RPSA2: variants seen among roughly 807,000 people sequenced by gnomAD.
RPSA2 encodes the protein small ribosomal subunit protein uS2B.
At chr19:23,796,547 T>G in the RPSA2 span, among the ~76,000 whole-genome samples, 1 of 152,116 alleles carries the variant, frequency 6.6e-6, no homozygotes, top group Non-Finnish European at 1.5e-5. Context: ...TACCAGCACT[T>G]TTTTGTACAC....
chr19:23,860,303 C>T, the RPSA2 span, among the ~76,000 whole-genome samples: 1 of 152,226 alleles, frequency 6.6e-6, no homozygotes, highest in Non-Finnish European at 1.5e-5. Context: ...TTGTCCTACC[C>T]TGTCATCAAA....
chr19:23,795,840 A>G, the RPSA2 span, among the ~76,000 whole-genome samples: 2 of 152,144 alleles, frequency 1.3e-5, no homozygotes, highest in African/African-American at 2.4e-5. Flanking sequence ...CAGTGGCACA[A>G]TCTTGGCTCA....
chr19:23,769,713 G>A, the RPSA2 span, among the ~76,000 whole-genome samples: 3 of 152,160 alleles, frequency 2.0e-5, no homozygotes, highest in African/African-American at 7.2e-5. Flanking sequence ...AAATCTAGGT[G>A]ATGTGACTCT....
chr19:23,790,146 C>T, the RPSA2 span, among the ~76,000 whole-genome samples: 63 of 152,070 alleles, frequency 4.1e-4, no homozygotes, highest in Non-Finnish European at 1.2e-4. Context: ...TTACAGGCGC[C>T]CGCCACTGTG....
At chr19:23,788,407 C>G in the RPSA2 span, among the ~76,000 whole-genome samples, 3 of 152,138 alleles carry the variant, frequency 2.0e-5, no homozygotes, top group Non-Finnish European at 2.9e-5. Context: ...GTGACTTCCT[C>G]TACTGCTTGG....
At chr19:23,764,791 A>T in the RPSA2 span, among the ~76,000 whole-genome samples, 1 of 151,552 alleles carries the variant, frequency 6.6e-6, no homozygotes. Flanking sequence ...ATCCTCTGGA[A>T]CTCCACTTTA....
At chr19:23,853,022 A>G in the RPSA2 span, among the ~76,000 whole-genome samples, 1 of 152,208 alleles carries the variant, frequency 6.6e-6, no homozygotes, top group Admixed American at 6.5e-5. Context: ...AATATAATGA[A>G]GAATATAGGC....
chr19:23,839,571 A>G, the RPSA2 span, among the ~76,000 whole-genome samples: 9 of 152,140 alleles, frequency 5.9e-5, no homozygotes, highest in East Asian at 1.9e-4. Context: ...GTTCTTCCCC[A>G]CCTGTGAAGT....
At chr19:23,865,348 T>G in the RPSA2 span, among the ~76,000 whole-genome samples, 3 of 152,216 alleles carry the variant, frequency 2.0e-5, no homozygotes, top group Admixed American at 2.0e-4. Context: ...CAGGAGGTTA[T>G]TACACATAAC....
the RPSA2 span, among the ~76,000 whole-genome samples, chr19:23,781,496 A>G: frequency 7.9e-5 from 12 of 151,432 alleles, no homozygotes; most frequent in African/African-American, 2.9e-4. Context: ...CCACCACCAC[A>G]CAGGCTAATT....
the RPSA2 span, among the ~76,000 whole-genome samples, chr19:23,774,242 A>C: frequency 1.3e-4 from 20 of 152,298 alleles, no homozygotes; most frequent in African/African-American, 4.6e-4. Flanking sequence ...CCCTGACCAC[A>C]TAAGCAATTA....
At chr19:23,787,360 T>A in the RPSA2 span, among the ~76,000 whole-genome samples, 1 of 151,984 alleles carries the variant, frequency 6.6e-6, no homozygotes, top group South Asian at 2.1e-4. Flanking sequence ...CCCAGTACTT[T>A]GGGAGGCTGA....
At chr19:23,761,923 T>TC in the RPSA2 span, among the ~76,000 whole-genome samples, 255 of 63,440 alleles carry the variant, frequency 4.0e-3, 1 homozygote, top group East Asian at 0.019. Flanking sequence ...TTTCTTTCTT[T>TC]TTTTTTTTTT....
chr19:23,828,684 A>T, the RPSA2 span, among the ~76,000 whole-genome samples: 2 of 151,428 alleles, frequency 1.3e-5, 1 homozygote, highest in South Asian at 4.2e-4. Flanking sequence ...TGGTCTTTCA[A>T]GGGAAATGTT....
the RPSA2 span, among the ~76,000 whole-genome samples, chr19:23,822,561 T>G: frequency 1.3e-5 from 2 of 152,182 alleles, no homozygotes; most frequent in Non-Finnish European, 2.9e-5. Context: ...AAAAGTCTGT[T>G]GCCCCCCTTG....
the RPSA2 span, among the ~76,000 whole-genome samples, chr19:23,826,237 A>G: frequency 2.7e-5 from 4 of 148,924 alleles, no homozygotes; most frequent in Non-Finnish European, 3.0e-5. Flanking sequence ...TCTGCTACTC[A>G]GGCTGGAGTG....
the RPSA2 span, among the ~76,000 whole-genome samples, chr19:23,772,809 C>A: frequency 2.6e-5 from 4 of 152,196 alleles, no homozygotes; most frequent in Non-Finnish European, 5.9e-5. Flanking sequence ...GAGATGGTGA[C>A]ACATTTCTAA....
At chr19:23,790,756 C>T in the RPSA2 span, 19 of 472,412 alleles carry the variant, frequency 4.0e-5, no homozygotes, top group Admixed American at 2.3e-4. Context: ...CGCCAGGACC[C>T]GCTGAAAGCC....
chr19:23,780,108 G>A, the RPSA2 span, among the ~76,000 whole-genome samples: 1 of 152,088 alleles, frequency 6.6e-6, no homozygotes, highest in Non-Finnish European at 1.5e-5. Flanking sequence ...TCACAGCTAG[G>A]CTTACAAAAA....
Sources: allele counts gnomAD v4.1 joint callset (sites outside exome capture counted in the v4.1 genomes callset), GRCh38; gene constraint gnomAD v4.1.1; transcripts MANE v1.5; gene names NCBI Gene and HGNC (gene_info 2026-07-23, HGNC 2026-07-21).